Variants in GLT1D1 observed in about 807,000 individuals in gnomAD.
The protein encoded by GLT1D1 is glycosyltransferase 1 domain-containing protein 1.
GLT1D1 carries 21 observed loss-of-function variants against 28.7 expected under a neutral mutation model. The observed-to-expected ratio is 0.73, with a 90% confidence interval of 0.52 to 1.05. The LOEUF is 1.05. Ranked by LOEUF, GLT1D1 falls within the 50% of genes least tolerant of loss-of-function variation. The pLI, the probability that GLT1D1 is intolerant of heterozygous loss-of-function variation, is 0.00. For missense variants in GLT1D1, 343 were observed against 330.6 expected, an observed-to-expected ratio of 1.04 and a Z score of -0.29; for synonymous variants, 147 against 124.8, an observed-to-expected ratio of 1.18 and a Z score of -1.19.
intron 4 of GLT1D1, among the ~76,000 whole-genome samples, chr12:128,923,357 G>A (rs1377603344): frequency 6.6e-6 from 1 of 152,124 alleles, no homozygotes; most frequent in Non-Finnish European, 1.5e-5. Context: ...TCTATTGCAT[G>A]CGTCGTGTAC....
intron 3 of GLT1D1, among the ~76,000 whole-genome samples, chr12:128,898,857 C>T (rs1022656164): frequency 1.3e-5 from 2 of 152,248 alleles, no homozygotes; most frequent in Non-Finnish European, 2.9e-5. Context: ...TCCCCATAGT[C>T]TTCCCTTGGC....
chr12:128,933,701 A>G (rs367855819), intron 4 of GLT1D1, among the ~76,000 whole-genome samples: 1 of 152,064 alleles, frequency 6.6e-6, no homozygotes, highest in South Asian at 2.1e-4. Flanking sequence ...ACCCTCTCAG[A>G]CACCCTTCCC....
chr12:128,930,114 A>G (rs1162777733), intron 4 of GLT1D1: 1 of 152,290 alleles, frequency 6.6e-6, no homozygotes. Flanking sequence ...ACACACCTTA[A>G]GTGCTAGCAT....
At chr12:128,865,789 G>A (rs932865180) in intron 1 of GLT1D1, among the ~76,000 whole-genome samples, 2 of 151,876 alleles carry the variant, frequency 1.3e-5, no homozygotes, top group Admixed American at 6.6e-5. Context: ...ACCACTGCAC[G>A]CCAGCCTGGG....
At chr12:128,860,832 C>A (rs544307727) in intron 1 of GLT1D1, among the ~76,000 whole-genome samples, 3 of 152,162 alleles carry the variant, frequency 2.0e-5, no homozygotes, top group South Asian at 2.1e-4. Context: ...TCCCCACCCC[C>A]CTCTGATCCC....
intron 5 of GLT1D1, among the ~76,000 whole-genome samples, chr12:128,946,184 G>A (rs1484780945): frequency 2.6e-5 from 4 of 152,178 alleles, no homozygotes; most frequent in Non-Finnish European, 5.9e-5. Flanking sequence ...GTGGTGGCCA[G>A]CGGTGGGGAC....
At chr12:128,855,292 C>T (rs56135696) in intron 1 of GLT1D1, among the ~76,000 whole-genome samples, 19,430 of 149,608 alleles carry the variant, frequency 0.13, 1,377 homozygotes, top group Middle Eastern at 0.26. Flanking sequence ...GCTTTCATGG[C>T]GGCTCAAGCC....
chr12:128,973,710 C>G (rs1472530363), intron 7 of GLT1D1, among the ~76,000 whole-genome samples: 2 of 152,108 alleles, frequency 1.3e-5, no homozygotes, highest in African/African-American at 4.8e-5. Context: ...TCCCCACCAA[C>G]CCCCAAAGCA....
chr12:128,939,162 G>A (rs961283229), intron 4 of GLT1D1, among the ~76,000 whole-genome samples: 5 of 152,126 alleles, frequency 3.3e-5, no homozygotes, highest in Non-Finnish European at 7.4e-5. Flanking sequence ...TGGGAATCCA[G>A]GGGTTCCTTT....
At chr12:128,960,845 G>A (rs964619313) in intron 7 of GLT1D1, among the ~76,000 whole-genome samples, 40 of 152,088 alleles carry the variant, frequency 2.6e-4, no homozygotes, top group Admixed American at 2.2e-3. Flanking sequence ...ATGTCAGAGC[G>A]TCAGCCTTAG....
In GLT1D1 at chr12:128,945,784, T is replaced by C. The variant is rs1202046256; in HGVS notation, c.419+415T>C. 3.3e-5 allele frequency among the ~76,000 whole-genome samples: 5 copies of C among 152,300 alleles called. No individual in the cohort carries two copies. In the East Asian group the frequency reaches 7.7e-4, roughly 24 times the overall value. On this transcript the variant is annotated intron_variant, in intron 5 of 7. Coordinates refer to ENST00000281703, the MANE Select transcript of GLT1D1 (RefSeq NM_144669.3). ...CTCACATCAACAAGTCTGAGGGTGGTCATTCAAGGAGCAAAACGGAGGCTT... is the reference window on the plus strand; with the variant it reads ...CTCACATCAACAAGTCTGAGGGTGGCCATTCAAGGAGCAAAACGGAGGCTT...
intron 2 of GLT1D1, among the ~76,000 whole-genome samples, chr12:128,885,887 G>A (rs1348809962): frequency 6.6e-6 from 1 of 152,114 alleles, no homozygotes; most frequent in Non-Finnish European, 1.5e-5. Context: ...TTTTATTGGG[G>A]GAATATCCCA....
chr12:128,946,604 A>T (rs1195738386), intron 5 of GLT1D1, among the ~76,000 whole-genome samples: 1 of 131,818 alleles, frequency 7.6e-6, no homozygotes, highest in Non-Finnish European at 1.6e-5. Flanking sequence ...AAGTGCTGGG[A>T]TTACAGGCGT....
At chr12:128,904,331 G>C (rs964741409) in intron 4 of GLT1D1, among the ~76,000 whole-genome samples, 2 of 151,724 alleles carry the variant, frequency 1.3e-5, no homozygotes, top group Non-Finnish European at 2.9e-5. Context: ...TTTTGTATTG[G>C]CAGACCACAG....
chr12:128,884,612 C>G (rs1325191276), intron 2 of GLT1D1, among the ~76,000 whole-genome samples: 3 of 151,958 alleles, frequency 2.0e-5, no homozygotes, highest in African/African-American at 7.3e-5. Flanking sequence ...GTCACGAGTT[C>G]GAGAGCTGCC....
intron 4 of GLT1D1, among the ~76,000 whole-genome samples, chr12:128,919,701 T>A (rs1182500500): frequency 6.6e-6 from 1 of 152,238 alleles, no homozygotes; most frequent in African/African-American, 2.4e-5. Context: ...GGAAGATAGA[T>A]GTGTAGACAT....
intron 4 of GLT1D1, chr12:128,927,121 G>C (rs1292873309): frequency 6.5e-7 from 1 of 1,535,704 alleles, no homozygotes; most frequent in Non-Finnish European, 8.7e-7. Context: ...ATCAGGAGGA[G>C]CCCAATGTGC....
Position 128,938,663 on chromosome 12 carries a change from A to G in GLT1D1, c.376-6663A>G, listed in dbSNP as rs374445648. ...AAACCAACTTGGTTTGTAACTCATA[A>G]TGCCTACTGGTAAAGTGTAAATGAG... is the stretch of plus-strand genomic sequence containing the variant. On this transcript the variant is annotated intron_variant, in intron 4 of 7. Coordinates refer to ENST00000281703, the MANE Select transcript of GLT1D1 (RefSeq NM_144669.3). Among the ~76,000 whole-genome samples the G allele has an allele frequency of 5.9e-5, 9 of 152,338 alleles. No homozygotes were observed. The East Asian group carries it at 1.5e-3, about 26-fold the overall frequency.
chr12:128,909,638 T>A (rs1448255113), intron 4 of GLT1D1, among the ~76,000 whole-genome samples: 1 of 152,208 alleles, frequency 6.6e-6, no homozygotes, highest in Non-Finnish European at 1.5e-5. Flanking sequence ...TGCAGAAAGT[T>A]TAATTTTAGA....
Sources: allele counts gnomAD v4.1 joint callset (sites outside exome capture counted in the v4.1 genomes callset), GRCh38; gene constraint gnomAD v4.1.1; transcripts MANE v1.5; gene names NCBI Gene and HGNC (gene_info 2026-07-23, HGNC 2026-07-21).